Variants in PPFIA2 observed in about 807,000 individuals in gnomAD.
PPFIA2 encodes the protein PPFI scaffold protein A2.
In PPFIA2, 46 loss-of-function variants were observed where a neutral mutation model predicts 175.5. The observed-to-expected ratio is 0.26, with a 90% CI of 0.21 to 0.34. The LOEUF is 0.34. Among genes scored for constraint, PPFIA2 ranks in the 10% least tolerant of loss-of-function variants. The pLI is 1.00. For synonymous variants in PPFIA2, 568 were observed against 511.4 expected (o/e 1.11, Z -1.49); for missense variants, 1,179 against 1,506.1 (o/e 0.78, Z 3.60).
In PPFIA2 at chr12:81,362,573, T is replaced by C. The variant is rs2031274975; in HGVS notation, c.1637+120A>G. On this transcript the variant is annotated intron_variant, in intron 15 of 32. Transcript: ENST00000549396. ...TGCAAATCAGTGAAGAGTCAAAACA[T>C]GATAATGACTAGTGAGCAATAGGAA... The C allele has an allele frequency of 1.4e-5, 8 of 555,568 alleles. No individual in the cohort carries two copies. The East Asian group carries it at 2.1e-4, about 15-fold the overall frequency. The allele number at this position is 555,568 out of a possible 1,614,324, so 34.4% of individuals were successfully genotyped here. A position where few individuals can be genotyped will look rare whatever the true frequency, so the allele number is the denominator to read the frequency against.
chr12:81,693,019 A>T (rs2075440828), intron 3 of PPFIA2, among the ~76,000 whole-genome samples: 1 of 152,082 alleles, frequency 6.6e-6, no homozygotes, highest in Admixed American at 6.6e-5. Context: ...ACAGTAGATG[A>T]TTTATACTTT....
intron 22 of PPFIA2, among the ~76,000 whole-genome samples, chr12:81,319,463 C>T (rs188531564): frequency 6.6e-6 from 1 of 151,898 alleles, no homozygotes; most frequent in Non-Finnish European, 1.5e-5. Context: ...AGACAGGCTT[C>T]TGGAGTTCCA....
chr12:81,295,328 C>A (rs540645851), intron 23 of PPFIA2, among the ~76,000 whole-genome samples: 1 of 152,170 alleles, frequency 6.6e-6, no homozygotes, highest in African/African-American at 2.4e-5. Flanking sequence ...CTGCATGGCA[C>A]CAAGTTCCCC....
intron 22 of PPFIA2, among the ~76,000 whole-genome samples, chr12:81,314,341 A>G: frequency 6.6e-6 from 1 of 151,860 alleles, no homozygotes; most frequent in East Asian, 1.9e-4. Context: ...TAGCCTCATT[A>G]TTTTTCTCTC....
intron 4 of PPFIA2, among the ~76,000 whole-genome samples, chr12:81,488,666 C>A (rs2059105503): frequency 2.0e-5 from 3 of 151,792 alleles, no homozygotes; most frequent in Admixed American, 6.6e-5. Context: ...CTTCTTCATT[C>A]TTTAGGGCTT....
In PPFIA2 at chr12:81,277,399, A is replaced by G. The variant is rs2040788969; in HGVS notation, c.3228T>C (p.Tyr1076=). 3 of 1,521,762 alleles carry G rather than the reference A, an allele frequency of 2.0e-6. No individual in the cohort carries two copies. The highest frequency in any genetic ancestry group is 2.6e-6 in the Non-Finnish European group (3 of 1,139,252). 94.3% of individuals were successfully genotyped at this position (1,521,762 alleles called of 1,614,324 possible). Residue 1076 remains tyrosine, a synonymous_variant, in exon 28 of 33, where the codon TAT becomes TAC. Transcript: ENST00000549396. ...TCAACCTCTTTAAGCACATAATTCC[A>G]TATTGTAAACTTGTTCTTTTTTTTT... ...VDSFHRTSLQ[Y]GIMCLKRLNY...
chr12:81,504,629 C>A (rs1312922305), intron 4 of PPFIA2, among the ~76,000 whole-genome samples: 4 of 152,100 alleles, frequency 2.6e-5, no homozygotes, highest in Non-Finnish European at 5.9e-5. Flanking sequence ...TTTGACCCAG[C>A]AATCTCATTA....
At chr12:81,664,926 C>G (rs1473010284) in intron 4 of PPFIA2, among the ~76,000 whole-genome samples, 1 of 151,838 alleles carries the variant, frequency 6.6e-6, no homozygotes, top group African/African-American at 2.4e-5. Flanking sequence ...TCTCAGCAAA[C>G]TATCACAAGG....
chr12:81,523,223 T>C (rs1467253802), intron 4 of PPFIA2, among the ~76,000 whole-genome samples: 1 of 152,172 alleles, frequency 6.6e-6, no homozygotes, highest in Non-Finnish European at 1.5e-5. Context: ...TCTCTCACAG[T>C]CCCACAGACT....
chr12:81,618,729 T>TCA (rs557989922), intron 4 of PPFIA2, among the ~76,000 whole-genome samples: 73 of 152,106 alleles, frequency 4.8e-4, no homozygotes, highest in Admixed American at 1.4e-3. Context: ...AGAAAGGGTT[T>TCA]CACCATGTTA....
intron 4 of PPFIA2, among the ~76,000 whole-genome samples, chr12:81,558,859 A>G (rs2069374247): frequency 6.6e-6 from 1 of 152,132 alleles, no homozygotes; most frequent in South Asian, 2.1e-4. Flanking sequence ...ATTCTATATC[A>G]CACAATGGCA....
chr12:81,334,968 T>G (rs141592389), intron 21 of PPFIA2, among the ~76,000 whole-genome samples: 1 of 152,236 alleles, frequency 6.6e-6, no homozygotes, highest in Admixed American at 6.5e-5. Flanking sequence ...CTGGAATTGC[T>G]TTGACAGTAC....
intron 4 of PPFIA2, among the ~76,000 whole-genome samples, chr12:81,672,471 C>G (rs973479978): frequency 6.6e-6 from 1 of 151,840 alleles, no homozygotes; most frequent in Non-Finnish European, 1.5e-5. Flanking sequence ...AAGTACAATT[C>G]TGTTTCCTCA....
At chr12:81,569,275 G>T (rs989132979) in intron 4 of PPFIA2, among the ~76,000 whole-genome samples, 1 of 151,782 alleles carries the variant, frequency 6.6e-6, no homozygotes, top group Non-Finnish European at 1.5e-5. Flanking sequence ...ACAATTTGAA[G>T]AAACTTTATA....
intron 11 of PPFIA2, among the ~76,000 whole-genome samples, chr12:81,374,366 C>A (rs1390330479): frequency 6.6e-6 from 1 of 151,828 alleles, no homozygotes; most frequent in Non-Finnish European, 1.5e-5. Flanking sequence ...CAAATATTAC[C>A]ATGGAAAATT....
intron 4 of PPFIA2, among the ~76,000 whole-genome samples, chr12:81,670,236 C>A (rs2071156268): frequency 6.6e-6 from 1 of 151,780 alleles, no homozygotes; most frequent in Non-Finnish European, 1.5e-5. Flanking sequence ...AGTGATCTAA[C>A]CTGGAAATAT....
chr12:81,599,768 C>A (rs2059608291), intron 4 of PPFIA2, among the ~76,000 whole-genome samples: 1 of 151,912 alleles, frequency 6.6e-6, no homozygotes. Context: ...TCTCCAGTTT[C>A]TTTTGGTGTG....
chr12:81,635,003 A>C (rs928597251), intron 4 of PPFIA2, among the ~76,000 whole-genome samples: 1 of 152,230 alleles, frequency 6.6e-6, no homozygotes, highest in African/African-American at 2.4e-5. Context: ...CTTGCTTCTC[A>C]GTATGTGATA....
At chr12:81,331,669 T>A (rs1015470899) in intron 21 of PPFIA2, among the ~76,000 whole-genome samples, 1 of 152,226 alleles carries the variant, frequency 6.6e-6, no homozygotes, top group African/African-American at 2.4e-5. Context: ...CCTAACCTAA[T>A]AATATATGCA....
Sources: allele counts gnomAD v4.1 joint callset (sites outside exome capture counted in the v4.1 genomes callset), GRCh38; gene constraint gnomAD v4.1.1; transcripts MANE v1.5; gene names NCBI Gene and HGNC (gene_info 2026-07-23, HGNC 2026-07-21).